Variants in MYOM2 observed in about 807,000 individuals in gnomAD.
The protein encoded by MYOM2 is myomesin-2.
In MYOM2, 254 loss-of-function variants were observed where a neutral mutation model predicts 187.6. The observed-to-expected ratio is 1.35, with a 90% CI of 1.22 to 1.50. The LOEUF is 1.50. Among genes scored for constraint, MYOM2 ranks in the 40% most tolerant of loss-of-function variants. MYOM2 has a pLI of 0.00. For synonymous variants in MYOM2, 981 were observed against 753.8 expected (o/e 1.30, Z -4.94); for missense variants, 2,796 against 1,924.0 (o/e 1.45, Z -8.48).
intron 32 of MYOM2, among the ~76,000 whole-genome samples, chr8:2,137,044 G>A (rs1351491949): frequency 6.6e-6 from 1 of 151,696 alleles, no homozygotes; most frequent in Non-Finnish European, 1.5e-5. Context: ...TTACCCCACG[G>A]AAGAATTTCT....
chr8:2,138,735 GT>G (rs1471118134), intron 32 of MYOM2, among the ~76,000 whole-genome samples: 1 of 149,158 alleles, frequency 6.7e-6, no homozygotes, highest in Admixed American at 6.7e-5. Context: ...TTCAGTAGAT[GT>G]TGAGCATGTC....
At chr8:2,139,691 C>T (rs527796828) in intron 32 of MYOM2, among the ~76,000 whole-genome samples, 2 of 152,242 alleles carry the variant, frequency 1.3e-5, no homozygotes, top group Non-Finnish European at 2.9e-5. Context: ...GTCCACATTC[C>T]AGCTCTTGGG....
rs1818387900 is a variant in MYOM2 at position 2,048,791 on chromosome 8, ATTTTAT to A, written c.-12-1959_-12-1954del. Among the ~76,000 whole-genome samples, 13 of 69,974 alleles carry A rather than the reference ATTTTAT, an allele frequency of 1.9e-4. 1 individual carries two copies. In the South Asian group the frequency reaches 0.01, roughly 54 times the overall value. 45.9% of individuals were successfully genotyped at this position (69,974 alleles called of 152,430 possible). On this transcript the variant is annotated intron_variant, in intron 1 of 36. Coordinates refer to ENST00000262113, the MANE Select transcript of MYOM2 (RefSeq NM_003970.4). The stretch of plus-strand genomic sequence containing the variant: ...TTTATTTATTTTATTTTTTATTTTT[ATTTTAT>A]TTTTTTTTTTGAGATGGAGTCTCGC...
chr8:2,046,477 C>T (rs1396197266), intron 1 of MYOM2, among the ~76,000 whole-genome samples: 1 of 152,140 alleles, frequency 6.6e-6, no homozygotes, highest in African/African-American at 2.4e-5. Context: ...TACCGGTGAC[C>T]CGGGCAAGTC....
At chr8:2,135,720 A>G (rs979149255) in intron 32 of MYOM2, among the ~76,000 whole-genome samples, 1 of 152,208 alleles carries the variant, frequency 6.6e-6, no homozygotes, top group Non-Finnish European at 1.5e-5. Flanking sequence ...AGGTTTTGTC[A>G]TATTTGGCCC....
At chr8:2,097,970 C>T (rs62478398) in intron 18 of MYOM2, 8,203 of 122,688 alleles carry the variant, frequency 0.067, 311 homozygotes, top group South Asian at 0.11. Flanking sequence ...ACCCGGCACC[C>T]GCCCCTCAGC....
rs1818434736 is a variant in MYOM2, at chr8:2,050,145, G to T, written c.-12-610G>T. ...GCTTGTGGCTGCGTCTTTCCAGAGT[G>T]ATTTCTGGTCACACCCACCCCTGCA... On this transcript the variant is annotated intron_variant, in intron 1 of 36. Coordinates refer to ENST00000262113, the MANE Select transcript of MYOM2 (RefSeq NM_003970.4). Among the ~76,000 whole-genome samples, 3 of 152,212 alleles carry T rather than the reference G, an allele frequency of 2.0e-5. No individual in the cohort carries two copies. The South Asian group carries it at 6.2e-4, about 32-fold the overall frequency.
Position 2,086,188 on chromosome 8 carries a change from CAT to C in MYOM2, c.1644+799_1644+800del, listed in dbSNP as rs1796032390. ...TGTGATCTCTGCGTGGCCCCACTGT[CAT>C]GATCTCTGCGTGGCCCCACTGTCAT... is the stretch of plus-strand genomic sequence containing the variant. On this transcript the variant is annotated intron_variant, in intron 14 of 36. Coordinates refer to ENST00000262113, the MANE Select transcript of MYOM2 (RefSeq NM_003970.4). Among the ~76,000 whole-genome samples, 7 of 4,278 alleles carry C rather than the reference CAT, an allele frequency of 1.6e-3. 2 individuals carry two copies. The highest frequency in any genetic ancestry group is 2.5e-3 in the African/African-American group (4 of 1,620). 2.8% of individuals were successfully genotyped at this position (4,278 alleles called of 152,430 possible).
intron 8 of MYOM2, among the ~76,000 whole-genome samples, chr8:2,071,601 T>C (rs924833504): frequency 2.0e-5 from 3 of 152,186 alleles, no homozygotes; most frequent in African/African-American, 7.2e-5. Context: ...CCTTTGGTCT[T>C]CACACACGAT....
intron 32 of MYOM2, among the ~76,000 whole-genome samples, chr8:2,129,995 C>A (rs1367979760): frequency 6.6e-6 from 1 of 152,016 alleles, no homozygotes; most frequent in Non-Finnish European, 1.5e-5. Context: ...TTAACGATCT[C>A]TTCGCTATCC....
In MYOM2 at chr8:2,085,316, A is replaced by G. The variant is rs746307093; in HGVS notation, c.1570A>G (p.Arg524Gly). 3 of 1,614,054 alleles carry G rather than the reference A, an allele frequency of 1.9e-6. No individual in the cohort carries two copies. The highest frequency in any genetic ancestry group is 2.5e-6 in the Non-Finnish European group (3 of 1,180,014). The change falls in exon 14 of 37, where the codon AGA becomes GGA. Residue 524 changes from arginine to glycine, a missense_variant. Transcript: ENST00000262113. ...PTGVHASEISRNYVVLSWEPP... is the reference protein window; with the variant it reads ...PTGVHASEISGNYVVLSWEPP... ...CGGTGTGCACGCTTCCGAGATCAGC[A>G]GAAACTATGTCGTCCTCAGCTGGGA...
chr8:2,057,425 A>T lies in MYOM2; in HGVS notation c.341A>T (p.Asp114Val), dbSNP rs986645720. The T allele has an allele frequency of 2.5e-6, 4 of 1,613,874 alleles. No homozygotes were observed. The highest frequency in any genetic ancestry group is 3.4e-6 in the Non-Finnish European group (4 of 1,179,990). The stretch of plus-strand genomic sequence containing the variant: ...AGCGAGCTGGCCCACTTGGAGGAGG[A>T]TGTCCACCTGGCACGCTCCCAGGCC... ...FLSELAHLEE[D>V]VHLARSQARD... The change falls in exon 4 of 37, where the codon GAT (aspartate) becomes GTT (valine). Residue 114 changes from aspartate (D) to valine (V), a missense_variant. Asp to Val is a radical substitution (Grantham distance 152). Transcript: ENST00000262113.
chr8:2,137,961 G>C (rs1798140127), intron 32 of MYOM2, among the ~76,000 whole-genome samples: 1 of 152,158 alleles, frequency 6.6e-6, no homozygotes, highest in African/African-American at 2.4e-5. Flanking sequence ...GGATTGAGTG[G>C]CTAATCCACT....
chr8:2,086,312 A>G (rs1474905681), intron 14 of MYOM2, among the ~76,000 whole-genome samples: 2 of 14,924 alleles, frequency 1.3e-4, no homozygotes, highest in Non-Finnish European at 2.4e-4. Flanking sequence ...GGCCCCCCAC[A>G]GTCGTGATCT....
Position 2,073,331 on chromosome 8 carries a change from T to C in MYOM2, c.959-8T>C, listed in dbSNP as rs1480745850. On this transcript the variant is annotated splice_region_variant and splice_polypyrimidine_tract_variant and intron_variant, in intron 9 of 36. Coordinates refer to ENST00000262113, the MANE Select transcript of MYOM2 (RefSeq NM_003970.4). ...GGATGCAAACCTTCCGTGTTAACGC[T>C]CTTTCAGACGTGCTGTTGAAAGAGT... is the stretch of plus-strand genomic sequence containing the variant. The C allele has an allele frequency of 1.3e-6, 2 of 1,598,610 alleles. No individual in the cohort carries two copies. Among genetic ancestry groups the C allele is most frequent in the South Asian group, 2.2e-5 (2 of 89,876 alleles).
At chr8:2,130,067 G>A (rs573416639) in intron 32 of MYOM2, among the ~76,000 whole-genome samples, 6 of 151,688 alleles carry the variant, frequency 4.0e-5, no homozygotes, top group Admixed American at 1.3e-4. Context: ...GTTAACGCCC[G>A]TCAGTACACT....
chr8:2,074,908 G>T (rs1233387890), intron 10 of MYOM2, among the ~76,000 whole-genome samples: 3 of 152,220 alleles, frequency 2.0e-5, no homozygotes, highest in African/African-American at 7.2e-5. Flanking sequence ...CCATGTAGCT[G>T]CTGCTGCTCT....
chr8:2,142,842 G>C (rs1304373374), intron 35 of MYOM2, among the ~76,000 whole-genome samples: 1 of 149,948 alleles, frequency 6.7e-6, no homozygotes, highest in Non-Finnish European at 1.5e-5. Flanking sequence ...TGCAACCTCT[G>C]CCTCCTGGGT....
In MYOM2 at chr8:2,142,975, C is replaced by CT. The variant is rs1332158548; in HGVS notation, c.4025-425dup. On this transcript the variant is annotated intron_variant, in intron 35 of 36. Transcript: ENST00000262113. Reference sequence around the variant, plus strand: ...TTCATCATGTTGGCCAGGCTGGTCTCTAACTCCTGACCTCAGATGATCTGC... The same window carrying CT: ...TTCATCATGTTGGCCAGGCTGGTCTCTTAACTCCTGACCTCAGATGATCTGC... Among the ~76,000 whole-genome samples the CT allele has an allele frequency of 6.6e-5, 10 of 152,078 alleles. No individual in the cohort carries two copies. The East Asian group carries it at 1.9e-3, about 30-fold the overall frequency.
Sources: allele counts gnomAD v4.1 joint callset (sites outside exome capture counted in the v4.1 genomes callset), GRCh38; gene constraint gnomAD v4.1.1; transcripts MANE v1.5; gene names NCBI Gene and HGNC (gene_info 2026-07-23, HGNC 2026-07-21).